The following ADAMTS12 variants were observed in gnomAD, a reference collection of about 807,000 sequenced individuals.
ADAMTS12 encodes ADAM metallopeptidase with thrombospondin type 1 motif 12.
Under a neutral mutation model 167.8 loss-of-function variants are expected in ADAMTS12, and 118 were observed. The observed-to-expected ratio is 0.70, with a 90% CI of 0.61 to 0.82. The LOEUF (loss-of-function observed/expected upper bound fraction) is 0.82, where lower values mean the gene tolerates loss of function less well. ADAMTS12 is among the 40% of genes least tolerant of loss of function. The probability of loss-of-function intolerance (pLI) is 0.00; values close to 1 mark genes in which losing one functional copy is unlikely to be tolerated. For missense variants in ADAMTS12, 1,916 were observed against 1,998.8 expected, an observed-to-expected ratio of 0.96 and a Z score of 0.79; for synonymous variants, 704 against 716.9, an observed-to-expected ratio of 0.98 and a Z score of 0.29.
At chr5:33,690,605 A>T (rs1742515360) in intron 3 of ADAMTS12, among the ~76,000 whole-genome samples, 1 of 152,222 alleles carries the variant, frequency 6.6e-6, no homozygotes, top group African/African-American at 2.4e-5. Flanking sequence ...AAATACCAAC[A>T]TAATTACATC....
At chr5:33,651,784 C>T (rs1328226641) in intron 7 of ADAMTS12, among the ~76,000 whole-genome samples, 1 of 152,152 alleles carries the variant, frequency 6.6e-6, no homozygotes, top group Non-Finnish European at 1.5e-5. Context: ...CTTTTCAACT[C>T]ATTCTCCTCC....
At chr5:33,572,191 C>A (rs1225511174) in intron 19 of ADAMTS12, among the ~76,000 whole-genome samples, 1 of 152,114 alleles carries the variant, frequency 6.6e-6, no homozygotes, top group Non-Finnish European at 1.5e-5. Context: ...TGGTACCATT[C>A]CTTCTGAAAC....
At chr5:33,814,608 T>C (rs1747581676) in intron 2 of ADAMTS12, among the ~76,000 whole-genome samples, 1 of 152,038 alleles carries the variant, frequency 6.6e-6, no homozygotes. Flanking sequence ...CTGGATGAAA[T>C]CACCCAGGGA....
intron 14 of ADAMTS12, among the ~76,000 whole-genome samples, chr5:33,617,793 GAA>G (rs5867196): frequency 1.4e-5 from 2 of 145,730 alleles, no homozygotes; most frequent in South Asian, 4.3e-4. Context: ...AACCTAAATA[GAA>G]AAAAAAAACA....
intron 2 of ADAMTS12, among the ~76,000 whole-genome samples, chr5:33,767,541 T>A (rs10472893): frequency 0.22 from 33,690 of 152,064 alleles, 5,047 homozygotes; most frequent in East Asian, 0.55. Context: ...AATGGTTTCA[T>A]TGGTAACATG....
chr5:33,844,675 C>T (rs993139368), intron 2 of ADAMTS12, among the ~76,000 whole-genome samples: 3 of 152,184 alleles, frequency 2.0e-5, no homozygotes, highest in Non-Finnish European at 4.4e-5. Flanking sequence ...TCTCGCCCTG[C>T]CTCCATTTGC....
chr5:33,590,573 A>G (rs1228769793), intron 17 of ADAMTS12, among the ~76,000 whole-genome samples: 1 of 152,232 alleles, frequency 6.6e-6, no homozygotes, highest in Non-Finnish European at 1.5e-5. Context: ...GACCCCCGCC[A>G]GATCAAATGA....
At chr5:33,764,506 C>T (rs1478242564) in intron 2 of ADAMTS12, among the ~76,000 whole-genome samples, 1 of 152,176 alleles carries the variant, frequency 6.6e-6, no homozygotes. Flanking sequence ...CAATATTCCT[C>T]TTGAAATAAC....
At chr5:33,546,375 TA>T (rs796258311) in intron 21 of ADAMTS12, among the ~76,000 whole-genome samples, 173 bp from the exon 22 acceptor site, 3,284 of 143,622 alleles carry the variant, frequency 0.023, 118 homozygotes, top group African/African-American at 0.076. Flanking sequence ...ACTCACTATT[TA>T]AAAAAAAAAA....
intron 17 of ADAMTS12, among the ~76,000 whole-genome samples, chr5:33,592,003 C>G (rs537457200): frequency 6.6e-6 from 1 of 151,752 alleles, no homozygotes; most frequent in Non-Finnish European, 1.5e-5. Flanking sequence ...GGCGGATCAC[C>G]TGAGGTCGGG....
chr5:33,624,040 C>A (rs762446293), intron 14 of ADAMTS12, among the ~76,000 whole-genome samples, 191 bp downstream of exon 14: 7 of 152,210 alleles, frequency 4.6e-5, no homozygotes, highest in Non-Finnish European at 1.0e-4. Context: ...ATTTTGTCAG[C>A]AATCAACCCG....
At chr5:33,765,837 T>G (rs1745511825) in intron 2 of ADAMTS12, among the ~76,000 whole-genome samples, 1 of 152,228 alleles carries the variant, frequency 6.6e-6, no homozygotes, top group Middle Eastern at 3.2e-3. Context: ...TGTGACACAC[T>G]TAATTTCATA....
At chr5:33,560,968 C>A in intron 20 of ADAMTS12, 59 bp downstream of exon 20, 1 of 1,586,638 alleles carries the variant, frequency 6.3e-7, no homozygotes, top group South Asian at 1.1e-5. Flanking sequence ...ATAAGATTCC[C>A]TTTCCAACCC....
intron 16 of ADAMTS12, among the ~76,000 whole-genome samples, chr5:33,598,038 G>A (rs943962661): frequency 1.1e-4 from 17 of 152,260 alleles, no homozygotes; most frequent in Non-Finnish European, 2.2e-4. Flanking sequence ...AATCCCCTTC[G>A]GAAAGTTAAT....
At chr5:33,873,957 T>A (rs1750132868) in intron 2 of ADAMTS12, among the ~76,000 whole-genome samples, 1 of 152,224 alleles carries the variant, frequency 6.6e-6, no homozygotes, top group Non-Finnish European at 1.5e-5. Flanking sequence ...ATGTACAATA[T>A]AAAACTCTAA....
rs139949350 is a variant in ADAMTS12 at position 33,881,022 on chromosome 5, A to G, written c.489+97T>C. 6.6e-6 allele frequency: 10 copies of G among 1,518,644 alleles called. No individual in the cohort carries two copies. In the African/African-American group the frequency reaches 9.7e-5, roughly 15 times the overall value. 94.1% of individuals were successfully genotyped at this position (1,518,644 alleles called of 1,614,324 possible). A position where few individuals can be genotyped will look rare whatever the true frequency, so the allele number is the denominator to read the frequency against. On this transcript the variant is annotated intron_variant, in intron 2 of 23. Transcript: ENST00000504830. ...ATCACATCACAGGGGTTCAACTCCC[A>G]TATGTCAGTGCATCTGTGAACCTGT... is the stretch of plus-strand genomic sequence containing the variant.
chr5:33,706,583 C>T (rs113978508), intron 3 of ADAMTS12, among the ~76,000 whole-genome samples: 3,959 of 152,152 alleles, frequency 0.026, 154 homozygotes, highest in African/African-American at 0.088. Flanking sequence ...TACAGCACAC[C>T]GATGGGTCTT....
At chr5:33,616,250 G>C (rs189701476) in intron 14 of ADAMTS12, among the ~76,000 whole-genome samples, 178 bp from the exon 15 acceptor site, 1 of 152,190 alleles carries the variant, frequency 6.6e-6, no homozygotes, top group Non-Finnish European at 1.5e-5. Context: ...ACTTGGACAC[G>C]AACAGAATTC....
At chr5:33,605,753 C>T (rs4549533) in intron 16 of ADAMTS12, among the ~76,000 whole-genome samples, 78,958 of 151,864 alleles carry the variant, frequency 0.52, 21,142 homozygotes, top group East Asian at 0.82. Context: ...TAGATAATTA[C>T]TAATAATTTT....
Sources: allele counts gnomAD v4.1 joint callset (sites outside exome capture counted in the v4.1 genomes callset), GRCh38; gene constraint gnomAD v4.1.1; transcripts MANE v1.5; gene names NCBI Gene and HGNC (gene_info 2026-07-23, HGNC 2026-07-21).